Variants in MARK1 observed in about 807,000 individuals in gnomAD.
MARK1 encodes the protein serine/threonine-protein kinase MARK1.
In MARK1, 40 loss-of-function variants were observed where a neutral mutation model predicts 96.3. The observed-to-expected ratio is 0.42, with a 90% confidence interval of 0.32 to 0.54. MARK1 has a LOEUF of 0.54. Ranked by LOEUF, MARK1 falls within the 20% of genes least tolerant of loss-of-function variation. The probability of loss-of-function intolerance (pLI) is 0.16; values close to 1 mark genes in which losing one functional copy is unlikely to be tolerated. For missense variants in MARK1, 719 were observed against 984.6 expected (o/e 0.73, Z 3.61); for synonymous variants, 317 against 341.2 (o/e 0.93, Z 0.78).
In MARK1 at chr1:220,654,649, T is replaced by C. The variant is rs1669071139; in HGVS notation, c.1988+1297T>C. ...TGTTAGCCGGCCATCTGCAGGGTACTAGTCAGATTATCAGTAGTTTCTGCT... is the reference window on the plus strand; with the variant it reads ...TGTTAGCCGGCCATCTGCAGGGTACCAGTCAGATTATCAGTAGTTTCTGCT... On this transcript the variant is annotated intron_variant, in intron 16 of 17. Coordinates refer to ENST00000366917, the MANE Select transcript of MARK1 (RefSeq NM_018650.5). This position sits in a 1 kb window ranked among gnomAD's most constrained non-coding sequence, Gnocchi z 4.0. 6.6e-6 allele frequency among the ~76,000 whole-genome samples: 1 copy of C among 152,242 alleles called. No individual in the cohort carries two copies. Among genetic ancestry groups the C allele is most frequent in the South Asian group, 2.1e-4 (1 of 4,836 alleles).
At chr1:220,620,411 GACTA>G (rs1324250078) in intron 9 of MARK1, among the ~76,000 whole-genome samples, 2 of 152,034 alleles carry the variant, frequency 1.3e-5, no homozygotes, top group Non-Finnish European at 2.9e-5. Context: ...CCTGTTTTGT[GACTA>G]ACTTTTATCA....
At chr1:220,652,201 T>C (rs3737297) in intron 15 of MARK1, 51 bp downstream of exon 15, 119,922 of 1,439,988 alleles carry the variant, frequency 0.083, 5,362 homozygotes, top group Middle Eastern at 0.17. Context: ...TCTAAAAATA[T>C]AGCACCATGT....
rs1276806278 is a variant in MARK1, at chr1:220,618,462, G to A, written c.705G>A (p.Gly235=). The change falls in exon 8 of 18, where the codon GGG becomes GGA. Residue 235 remains glycine, a synonymous_variant. Coordinates refer to ENST00000366917, the MANE Select transcript of MARK1 (RefSeq NM_018650.5). This position sits in a 1 kb window ranked among gnomAD's most constrained non-coding sequence, Gnocchi z 4.6. ...TTTTCCAAGGAAAGAAGTATGATGGGCCTGAAGTGGATGTGTGGAGTCTGG... is the reference window on the plus strand; with the variant it reads ...TTTTCCAAGGAAAGAAGTATGATGGACCTGAAGTGGATGTGTGGAGTCTGG... ...PELFQGKKYD[G]PEVDVWSLGV... is the part of the protein sequence containing the mutation. 1 of 1,614,144 alleles carries A rather than the reference G, an allele frequency of 6.2e-7. No individual in the cohort carries two copies. The highest frequency in any genetic ancestry group is 8.5e-7 in the Non-Finnish European group (1 of 1,180,030).
chr1:220,541,310 A>G (rs763327593), intron 1 of MARK1, among the ~76,000 whole-genome samples: 9 of 151,964 alleles, frequency 5.9e-5, no homozygotes, highest in African/African-American at 1.2e-4. Flanking sequence ...GCTGCATCCC[A>G]TAAGTTTTGC....
chr1:220,626,813 C>G (rs1317473733), intron 9 of MARK1: 1 of 351,052 alleles, frequency 2.8e-6, no homozygotes, highest in Non-Finnish European at 5.5e-6. Context: ...GAGTGAGACT[C>G]CATCTCAAAA....
chr1:220,536,088 C>CT (rs895077756), intron 1 of MARK1, among the ~76,000 whole-genome samples: 27 of 151,876 alleles, frequency 1.8e-4, no homozygotes, highest in African/African-American at 5.1e-4. Flanking sequence ...ATGTAACTGA[C>CT]TTTTGTATGT....
In MARK1 at chr1:220,598,386, A is replaced by AATATATATATATTATAT. The variant is rs989721006; in HGVS notation, c.358+20_358+36dup. 2 of 339,038 alleles carry AATATATATATATTATAT rather than the reference A, an allele frequency of 5.9e-6. No individual in the cohort carries two copies. The highest frequency in any genetic ancestry group is 1.1e-5 in the Non-Finnish European group (2 of 178,966). The allele number at this position is 339,038 out of a possible 1,614,324, so 21.0% of individuals were successfully genotyped here. ...CTGAATCATCCTAATATAGGTATGA[A>AATATATATATATTATAT]ATATATATATATTATATATATATAT... is the stretch of plus-strand genomic sequence containing the variant. On this transcript the variant is annotated splice_region_variant and intron_variant, in intron 4 of 17. Transcript: ENST00000366917.
intron 11 of MARK1, among the ~76,000 whole-genome samples, 162 bp from the exon 12 acceptor site, chr1:220,635,214 C>T (rs1167019387): frequency 6.6e-6 from 1 of 151,928 alleles, no homozygotes; most frequent in African/African-American, 2.4e-5. Context: ...CCTTTTCCTG[C>T]TTGCCAACTT....
chr1:220,655,236 C>T (rs1669101096), intron 16 of MARK1, among the ~76,000 whole-genome samples: 1 of 152,102 alleles, frequency 6.6e-6, no homozygotes, highest in Non-Finnish European at 1.5e-5. Flanking sequence ...AGTCTTTGGA[C>T]ACATTTTTTT....
chr1:220,539,906 ATTCTC>A (rs1019890559), intron 1 of MARK1, among the ~76,000 whole-genome samples: 3 of 151,718 alleles, frequency 2.0e-5, no homozygotes, highest in Admixed American at 2.0e-4. Context: ...GTTAAGAAGT[ATTCTC>A]TTCTCTTCTT....
intron 13 of MARK1, among the ~76,000 whole-genome samples, chr1:220,641,127 CAATA>C (rs1437668221): frequency 6.6e-6 from 1 of 152,108 alleles, no homozygotes; most frequent in Non-Finnish European, 1.5e-5. Context: ...ATCAAGAAAA[CAATA>C]AAACTTGTAA....
chr1:220,610,203 G>A (rs1666358246), intron 6 of MARK1, among the ~76,000 whole-genome samples: 1 of 151,982 alleles, frequency 6.6e-6, no homozygotes, highest in Admixed American at 6.6e-5. Flanking sequence ...ATGTAGATTT[G>A]GTGTTTTCAC....
chr1:220,564,384 G>C (rs956525749), intron 1 of MARK1, among the ~76,000 whole-genome samples: 5 of 152,130 alleles, frequency 3.3e-5, no homozygotes, highest in African/African-American at 4.8e-5. Context: ...TGAGTATCTG[G>C]TACAAAGTGT....
At position 220,618,515 on chromosome 1, in the gene MARK1, G is replaced by A; in HGVS notation, c.758G>A (p.Gly253Asp). The A allele has an allele frequency of 6.2e-7, 1 of 1,614,100 alleles. No individual in the cohort carries two copies. Among genetic ancestry groups the A allele is most frequent in the Non-Finnish European group, 8.5e-7 (1 of 1,179,996 alleles). ...LGVILYTLVS[G>D]SLPFDGQNLK... ...GTCATTCTCTATACATTAGTCAGTG[G>A]CTCCTTGCCTTTCGATGGCCAGAAT... The change falls in exon 8 of 18, where the codon GGC (glycine) becomes GAC (aspartate). Residue 253 changes from glycine (G) to aspartate (D), a missense_variant. Around this residue, in one of 4 missense-constraint regions of MARK1, gnomAD observed 96 missense variants for 213.1 expected, o/e 0.45. Transcript: ENST00000366917. This position sits in a 1 kb window ranked among gnomAD's most constrained non-coding sequence, Gnocchi z 4.6.
chr1:220,642,743 C>T (rs185815918), intron 13 of MARK1, among the ~76,000 whole-genome samples: 36 of 152,260 alleles, frequency 2.4e-4, no homozygotes, highest in African/African-American at 8.7e-4. Context: ...GGTTGCTGCC[C>T]CTCTGGGACG....
intron 1 of MARK1, among the ~76,000 whole-genome samples, chr1:220,553,003 C>T (rs1661972415): frequency 6.6e-6 from 1 of 152,162 alleles, no homozygotes; most frequent in Non-Finnish European, 1.5e-5. Context: ...CTACTTTGTT[C>T]ATGAGGCCAT....
At chr1:220,539,464 G>A (rs1033156250) in intron 1 of MARK1, among the ~76,000 whole-genome samples, 3 of 151,946 alleles carry the variant, frequency 2.0e-5, no homozygotes, top group Admixed American at 6.5e-5. Context: ...TGCTGGATTT[G>A]GTTTGCCAGT....
chr1:220,557,238 T>C (rs1192308953), intron 1 of MARK1, among the ~76,000 whole-genome samples: 4 of 152,200 alleles, frequency 2.6e-5, no homozygotes, highest in Non-Finnish European at 5.9e-5. Flanking sequence ...AGAGAAAATA[T>C]CAGTCTCATG....
intron 6 of MARK1, among the ~76,000 whole-genome samples, chr1:220,614,573 T>C (rs1666634933): frequency 6.6e-6 from 1 of 152,010 alleles, no homozygotes; most frequent in South Asian, 2.1e-4. Context: ...TATACCTCTA[T>C]ATATAATAAT....
Sources: allele counts gnomAD v4.1 joint callset (sites outside exome capture counted in the v4.1 genomes callset), GRCh38; gene constraint gnomAD v4.1.1; regional missense constraint gnomAD v4.1.1; non-coding constraint Gnocchi (gnomAD v3.1); transcripts MANE v1.5; gene names NCBI Gene and HGNC (gene_info 2026-07-23, HGNC 2026-07-21).